The following ATAD2B variants were observed in gnomAD, a reference collection of about 807,000 sequenced individuals.
ATAD2B encodes ATPase family AAA domain containing 2B.
Under a neutral mutation model 167.6 loss-of-function variants are expected in ATAD2B, and 40 were observed. The ratio of observed to expected loss-of-function variants is 0.24; its 90% confidence interval spans 0.19 to 0.31. The LOEUF (loss-of-function observed/expected upper bound fraction) is 0.31. Among genes scored for constraint, ATAD2B ranks in the 10% least tolerant of loss-of-function variants. The pLI, the probability that ATAD2B is intolerant of heterozygous loss-of-function variation, is 1.00. For synonymous variants in ATAD2B, 579 were observed against 596.5 expected (o/e 0.97, Z 0.43); for missense variants, 1,242 against 1,757.2 (o/e 0.71, Z 5.24).
intron 8 of ATAD2B, chr2:23,872,641 TG>T: frequency 7.4e-7 from 1 of 1,348,020 alleles, no homozygotes; most frequent in Non-Finnish European, 1.1e-6. Flanking sequence ...CCATCGGAGG[TG>T]GTGGAACATC....
the ATAD2B span, among the ~76,000 whole-genome samples, chr2:23,710,486 A>G: frequency 0.69 from 104,572 of 152,086 alleles, 36,888 homozygotes; most frequent in East Asian, 0.85. Context: ...TCTGTCAACC[A>G]AAACAACGCT....
At chr2:23,782,725 G>T in intron 22 of ATAD2B, 144 bp downstream of exon 22, 1 of 563,512 alleles carries the variant, frequency 1.8e-6, no homozygotes, top group South Asian at 3.0e-5. Context: ...TTTTTATGTA[G>T]GCTATGAGCT....
At chr2:23,817,083 C>T (rs971648483) in intron 17 of ATAD2B, among the ~76,000 whole-genome samples, 2 of 152,174 alleles carry the variant, frequency 1.3e-5, no homozygotes, top group African/African-American at 4.8e-5. Context: ...ACAAAAAAGA[C>T]TATATGTTGC....
intron 27 of ATAD2B, 69 bp from the exon 28 acceptor site, chr2:23,752,156 A>C: frequency 8.7e-7 from 1 of 1,150,304 alleles, no homozygotes; most frequent in East Asian, 2.6e-5. Flanking sequence ...TTACGGAAGA[A>C]TTCACTTTAA....
chr2:23,744,758 AAC>A (rs1408150564), downstream of ATAD2B, among the ~76,000 whole-genome samples: 1 of 152,212 alleles, frequency 6.6e-6, no homozygotes, highest in African/African-American at 2.4e-5. Context: ...AATAATTTAA[AAC>A]ACAGACAGGA....
the ATAD2B span, among the ~76,000 whole-genome samples, chr2:23,735,344 A>G: frequency 2.1e-4 from 32 of 152,342 alleles, no homozygotes; most frequent in South Asian, 1.2e-3. Context: ...ATGCTATATG[A>G]TATTAAAAGC....
At chr2:23,752,506 T>C (rs974750468) in intron 27 of ATAD2B, among the ~76,000 whole-genome samples, 1 of 150,172 alleles carries the variant, frequency 6.7e-6, no homozygotes, top group Non-Finnish European at 1.5e-5. Context: ...CATATATATA[T>C]AATTTATATA....
the ATAD2B span, among the ~76,000 whole-genome samples, chr2:23,714,074 C>A: frequency 2.6e-5 from 4 of 152,080 alleles, no homozygotes; most frequent in African/African-American, 9.7e-5. Flanking sequence ...CATTACCCCC[C>A]GGTCCAAGTT....
rs532056269 is a variant in ATAD2B, at chr2:23,825,636, T to C, written c.1820-2067A>G. Among the ~76,000 whole-genome samples, 28 of 152,316 alleles carry C rather than the reference T, an allele frequency of 1.8e-4. No individual in the cohort carries two copies. The South Asian group carries it at 4.3e-3, about 24-fold the overall frequency. ...ATAGAATGTGAATTATGTCTTCCAT[T>C]TCCGAGGAAATAGGAATATACTACC... is the stretch of plus-strand genomic sequence containing the variant. On this transcript the variant is annotated intron_variant, in intron 15 of 27. Coordinates refer to ENST00000238789, the MANE Select transcript of ATAD2B (RefSeq NM_017552.4).
At chr2:23,883,401 T>A (rs1335909983) in intron 6 of ATAD2B, among the ~76,000 whole-genome samples, 1 of 152,100 alleles carries the variant, frequency 6.6e-6, no homozygotes, top group Non-Finnish European at 1.5e-5. Context: ...ACAGTATTTA[T>A]CTAAATAATA....
At chr2:23,884,420 T>G (rs530519071) in intron 6 of ATAD2B, among the ~76,000 whole-genome samples, 3 of 152,090 alleles carry the variant, frequency 2.0e-5, no homozygotes, top group Non-Finnish European at 4.4e-5. Flanking sequence ...AGGCCACGGA[T>G]AGCAAAGTAA....
chr2:23,742,687 T>TA, the ATAD2B span, among the ~76,000 whole-genome samples: 1 of 151,946 alleles, frequency 6.6e-6, no homozygotes, highest in South Asian at 2.1e-4. Flanking sequence ...ACATGTACCC[T>TA]AAAACTTGAA....
chr2:23,822,587 C>A (rs1185892581), intron 16 of ATAD2B, among the ~76,000 whole-genome samples: 2 of 151,434 alleles, frequency 1.3e-5, no homozygotes, highest in Non-Finnish European at 2.9e-5. Flanking sequence ...CTCCCCTGCT[C>A]TATATAATCA....
chr2:23,732,857 T>C, the ATAD2B span, among the ~76,000 whole-genome samples: 1 of 152,208 alleles, frequency 6.6e-6, no homozygotes, highest in African/African-American at 2.4e-5. Flanking sequence ...CAGTGGTAAA[T>C]AACTAGGCTC....
At chr2:23,869,548 T>C (rs1695609708) in intron 9 of ATAD2B, 115 bp downstream of exon 9, 1 of 736,818 alleles carries the variant, frequency 1.4e-6, no homozygotes, top group African/African-American at 1.7e-5. Context: ...CAAGTCAATG[T>C]CTTAATCTAG....
At position 23,788,495 on chromosome 2, in the gene ATAD2B, G is replaced by C. The variant is rs762203718; in HGVS notation, c.2776+17C>G. On this transcript the variant is annotated intron_variant, in intron 20 of 27. Coordinates refer to ENST00000238789, the MANE Select transcript of ATAD2B (RefSeq NM_017552.4). ...ACTCCATCCCTCCCATTTTCCTAAA[G>C]GCTTTACAAACTTTACCAGCATGTT... 1 of 1,610,306 alleles carries C rather than the reference G, an allele frequency of 6.2e-7. No homozygotes were observed. Among genetic ancestry groups the C allele is most frequent in the African/African-American group, 1.3e-5 (1 of 74,666 alleles).
At chr2:23,694,893 C>T in the ATAD2B span, among the ~76,000 whole-genome samples, 1 of 152,254 alleles carries the variant, frequency 6.6e-6, no homozygotes, top group South Asian at 2.1e-4. Context: ...ATAGCAGATC[C>T]CCTCCCATTA....
chr2:23,792,250 C>T (rs1558539307), intron 19 of ATAD2B, among the ~76,000 whole-genome samples: 1 of 151,684 alleles, frequency 6.6e-6, no homozygotes, highest in Admixed American at 6.6e-5. Flanking sequence ...GGTTTCACTA[C>T]GTTGGCCAGG....
the ATAD2B span, among the ~76,000 whole-genome samples, chr2:23,709,997 T>C: frequency 1.3e-5 from 2 of 152,146 alleles, no homozygotes; most frequent in African/African-American, 4.8e-5. Flanking sequence ...GTCCACTATA[T>C]CAGGAGTCCA....
Sources: gnomAD v4.1 joint callset for allele counts (sites outside exome capture counted in the v4.1 genomes callset) on GRCh38, gnomAD v4.1.1 for gene constraint, MANE v1.5 for transcripts, NCBI Gene and HGNC (gene_info 2026-07-23, HGNC 2026-07-21) for gene names.